Variants in ADAMTS2 observed in about 807,000 individuals in gnomAD.
ADAMTS2 encodes A disintegrin and metalloproteinase with thrombospondin motifs 2.
A neutral mutation model predicts 123.0 loss-of-function variants in ADAMTS2; 50 were observed. That is an observed-to-expected ratio of 0.41 (90% CI 0.32 to 0.51). The LOEUF is 0.51. Among genes scored for constraint, ADAMTS2 ranks in the 20% least tolerant of loss-of-function variants. The probability of loss-of-function intolerance (pLI) is 0.35; values close to 1 mark genes in which losing one functional copy is unlikely to be tolerated. For synonymous variants in ADAMTS2, 678 were observed against 695.4 expected, an observed-to-expected ratio of 0.98 and a Z score of 0.39; for missense variants, 1,494 against 1,705.2, an observed-to-expected ratio of 0.88 and a Z score of 2.18.
intron 2 of ADAMTS2, among the ~76,000 whole-genome samples, chr5:179,299,552 C>CACACACACAG (rs1756451889): frequency 6.6e-6 from 1 of 150,562 alleles, no homozygotes; most frequent in Non-Finnish European, 1.5e-5. Context: ...CACACACACA[C>CACACACACAG]ACACACACAT....
intron 2 of ADAMTS2, among the ~76,000 whole-genome samples, chr5:179,296,907 T>C (rs1031282327): frequency 2.6e-5 from 4 of 152,172 alleles, no homozygotes; most frequent in Non-Finnish European, 5.9e-5. Context: ...AAACAAGGCA[T>C]GCCGTCTGTA....
In ADAMTS2 at chr5:179,180,422, A is replaced by T. The variant is rs533166542; in HGVS notation, c.975+650T>A. Among the ~76,000 whole-genome samples the T allele has an allele frequency of 6.6e-6, 1 of 152,342 alleles. No individual in the cohort carries two copies. The highest frequency in any genetic ancestry group is 1.9e-4 in the East Asian group (1 of 5,192). Reference sequence around the variant, plus strand: ...AGAAGTCCAAGGGAGGGTCGTGTTAACCACGTGTTTCTGATGCTTTGACAT... The same window carrying T: ...AGAAGTCCAAGGGAGGGTCGTGTTATCCACGTGTTTCTGATGCTTTGACAT... On this transcript the variant is annotated intron_variant, in intron 5 of 21. Coordinates refer to ENST00000251582, the MANE Select transcript of ADAMTS2 (RefSeq NM_014244.5). The surrounding 1 kb of genome is among the most constrained non-coding windows in gnomAD (Gnocchi z 4.6).
chr5:179,256,298 G>A lies in ADAMTS2; in HGVS notation c.688+16613C>T, dbSNP rs1028402629. Among the ~76,000 whole-genome samples, 1 of 152,144 alleles carries A rather than the reference G, an allele frequency of 6.6e-6. No individual in the cohort carries two copies. Among genetic ancestry groups the A allele is most frequent in the Non-Finnish European group, 1.5e-5 (1 of 68,036 alleles). ...GGGTGCCCAACAGGAAAGAGGACGG[G>A]GGCTTATTATAAGGAAAATAGTGTC... On this transcript the variant is annotated intron_variant, in intron 3 of 21. Coordinates refer to ENST00000251582, the MANE Select transcript of ADAMTS2 (RefSeq NM_014244.5). This position sits in a 1 kb window ranked among gnomAD's most constrained non-coding sequence, Gnocchi z 4.1.
intron 2 of ADAMTS2, among the ~76,000 whole-genome samples, chr5:179,273,887 C>A (rs1442281818): frequency 1.3e-5 from 2 of 152,070 alleles, no homozygotes; most frequent in Non-Finnish European, 2.9e-5. Context: ...CCTGCCCCAC[C>A]CTCCCAGACC....
rs1209853166 is a variant in ADAMTS2 at position 179,118,030 on chromosome 5, G to A, written c.3178+3631C>T. 6.6e-6 allele frequency among the ~76,000 whole-genome samples: 1 copy of A among 152,172 alleles called. No individual in the cohort carries two copies. The highest frequency in any genetic ancestry group is 1.5e-5 in the Non-Finnish European group (1 of 68,042). ...AGTGCTCCATAAATGCCCATTGAGT[G>A]AGGGGTGGCAGCCCCAGGTGGGGTC... On this transcript the variant is annotated intron_variant, in intron 21 of 21. Transcript: ENST00000251582. The surrounding 1 kb of genome is among the most constrained non-coding windows in gnomAD (Gnocchi z 4.5).
chr5:179,256,468 C>A lies in ADAMTS2; in HGVS notation c.688+16443G>T, dbSNP rs1047584737. On this transcript the variant is annotated intron_variant, in intron 3 of 21. Transcript: ENST00000251582. The surrounding 1 kb of genome is among the most constrained non-coding windows in gnomAD (Gnocchi z 4.1). ...GCTCGGTTCACTCCAGCATTTCCTA[C>A]ATGGATGAAGATGTGGATGTGTCTG... 1.8e-4 allele frequency among the ~76,000 whole-genome samples: 28 copies of A among 152,162 alleles called. No homozygotes were observed. Among genetic ancestry groups the A allele is most frequent in the African/African-American group, 6.5e-4 (27 of 41,438 alleles).
chr5:179,207,252 C>T (rs556742769), intron 4 of ADAMTS2, among the ~76,000 whole-genome samples: 1 of 152,312 alleles, frequency 6.6e-6, no homozygotes, highest in African/African-American at 2.4e-5. Context: ...CTGGAGTTTG[C>T]ACAAACCCGC....
chr5:179,322,281 G>T (rs1251637877), intron 2 of ADAMTS2, among the ~76,000 whole-genome samples: 2 of 152,238 alleles, frequency 1.3e-5, no homozygotes, highest in Admixed American at 6.5e-5. Context: ...CAGCGCAGGT[G>T]GGGAGAGGAG....
At position 179,116,260 on chromosome 5, in the gene ADAMTS2, A is replaced by ACC. The variant is rs146306326; in HGVS notation, c.3179-1938_3179-1937dup. 1.6e-4 allele frequency among the ~76,000 whole-genome samples: 15 copies of ACC among 93,872 alleles called. No individual in the cohort carries two copies. The South Asian group carries it at 4.8e-3, about 30-fold the overall frequency. The allele number at this position is 93,872 out of a possible 152,430, so 61.6% of individuals were successfully genotyped here. On this transcript the variant is annotated intron_variant, in intron 21 of 21. Transcript: ENST00000251582. ...TTCTCACTGAAGATGTGACCACGGC[A>ACC]CCCCCCCCCCACCCCCCGCCACTTG...
At chr5:179,267,083 C>T (rs1766392347) in intron 3 of ADAMTS2, among the ~76,000 whole-genome samples, 2 of 152,212 alleles carry the variant, frequency 1.3e-5, no homozygotes, top group Non-Finnish European at 2.9e-5. Flanking sequence ...GGGCTCTGCA[C>T]ACCCAGGGGG....
intron 3 of ADAMTS2, among the ~76,000 whole-genome samples, chr5:179,267,955 G>T (rs149454395): frequency 1.1e-3 from 175 of 152,328 alleles, no homozygotes; most frequent in Non-Finnish European, 1.6e-3. Flanking sequence ...TCTCGTACCC[G>T]GGTCGGCCTG....
At chr5:179,273,230 G>T (rs1766596283) in intron 2 of ADAMTS2, among the ~76,000 whole-genome samples, 166 bp from the exon 3 acceptor site, 1 of 152,106 alleles carries the variant, frequency 6.6e-6, no homozygotes, top group Admixed American at 6.5e-5. Flanking sequence ...ATGAACATGT[G>T]GTCCCAGAGG....
chr5:179,131,547 G>A (rs920313484), intron 15 of ADAMTS2, among the ~76,000 whole-genome samples: 3 of 152,052 alleles, frequency 2.0e-5, no homozygotes, highest in Middle Eastern at 6.8e-3. Flanking sequence ...CTTATCCAGG[G>A]GCCCCAGCAG....
rs201196711 is a variant in ADAMTS2 at position 179,115,701 on chromosome 5, AG to A, written c.3179-1378del. ...AAGGAAGAAAGGGAGGAGGAAAGGGAGGGAGAAAGGGAGGGAGAAAGGCTCA... is the reference window on the plus strand; with the variant it reads ...AAGGAAGAAAGGGAGGAGGAAAGGGAGGAGAAAGGGAGGGAGAAAGGCTCA... On this transcript the variant is annotated intron_variant, in intron 21 of 21. Coordinates refer to ENST00000251582, the MANE Select transcript of ADAMTS2 (RefSeq NM_014244.5). The surrounding 1 kb of genome is among the most constrained non-coding windows in gnomAD (Gnocchi z 4.4). Among the ~76,000 whole-genome samples the A allele has an allele frequency of 6.6e-6, 1 of 150,942 alleles. No individual in the cohort carries two copies. The highest frequency in any genetic ancestry group is 1.9e-4 in the East Asian group (1 of 5,182).
Position 179,262,406 on chromosome 5 carries a change from T to C in ADAMTS2, c.688+10505A>G, listed in dbSNP as rs1766254169. ...GGGACTCCTCCCTGCTTCCACACCG[T>C]CCACCGAAAACCCTCCAAAGGCCTC... On this transcript the variant is annotated intron_variant, in intron 3 of 21. Transcript: ENST00000251582. The surrounding 1 kb of genome is among the most constrained non-coding windows in gnomAD (Gnocchi z 5.9). Among the ~76,000 whole-genome samples the C allele has an allele frequency of 6.6e-6, 1 of 151,364 alleles. No individual in the cohort carries two copies. The highest frequency in any genetic ancestry group is 2.1e-4 in the South Asian group (1 of 4,732).
rs894562597 is a variant in ADAMTS2 at position 179,128,149 on chromosome 5, G to A, written c.2458-31C>T. The A allele has an allele frequency of 6.2e-7, 1 of 1,610,732 alleles. No homozygotes were observed. Among genetic ancestry groups the A allele is most frequent in the African/African-American group, 1.3e-5 (1 of 75,030 alleles). On this transcript the variant is annotated intron_variant, in intron 16 of 21. Transcript: ENST00000251582. This position sits in a 1 kb window ranked among gnomAD's most constrained non-coding sequence, Gnocchi z 4.9. ...CCAGCCCAAGAGCCTTGATGTGCCTGACCTGCCCTCCATGCTTCCTCCCCA... is the reference window on the plus strand; with the variant it reads ...CCAGCCCAAGAGCCTTGATGTGCCTAACCTGCCCTCCATGCTTCCTCCCCA...
intron 2 of ADAMTS2, among the ~76,000 whole-genome samples, chr5:179,322,967 G>A (rs1047516588): frequency 3.9e-5 from 6 of 152,258 alleles, no homozygotes; most frequent in Non-Finnish European, 7.3e-5. Context: ...GCATGGGTGC[G>A]TGAGGACTGG....
chr5:179,332,560 T>C lies in ADAMTS2; in HGVS notation c.534+11207A>G, dbSNP rs954766630. ...TGAAGAACAAACATACATTTATAATTTCCCACTATCACAGGGTCTCAGACA... is the reference window on the plus strand; with the variant it reads ...TGAAGAACAAACATACATTTATAATCTCCCACTATCACAGGGTCTCAGACA... On this transcript the variant is annotated intron_variant, in intron 2 of 21. Transcript: ENST00000251582. This position sits in a 1 kb window ranked among gnomAD's most constrained non-coding sequence, Gnocchi z 4.2. Among the ~76,000 whole-genome samples, 11 of 152,304 alleles carry C rather than the reference T, an allele frequency of 7.2e-5. No individual in the cohort carries two copies. In the South Asian group the frequency reaches 2.3e-3, roughly 32 times the overall value.
chr5:179,245,018 G>A (rs1765751577), intron 3 of ADAMTS2, among the ~76,000 whole-genome samples: 1 of 152,166 alleles, frequency 6.6e-6, no homozygotes, highest in Non-Finnish European at 1.5e-5. Context: ...CTATCTATCT[G>A]TAAGGTTATA....
Sources: gnomAD v4.1 joint callset for allele counts (sites outside exome capture counted in the v4.1 genomes callset) on GRCh38, gnomAD v4.1.1 for gene constraint, Gnocchi (gnomAD v3.1) non-coding constraint, MANE v1.5 for transcripts, NCBI Gene and HGNC (gene_info 2026-07-23, HGNC 2026-07-21) for gene names.